Variants in RAB10 observed in about 807,000 individuals in gnomAD.
RAB10 encodes the protein ras-related protein Rab-10.
In RAB10, 5 loss-of-function variants were observed where a neutral mutation model predicts 25.7. That is an observed-to-expected ratio of 0.19 (90% CI 0.10 to 0.41). The LOEUF is 0.41. RAB10 is among the 10% of genes least tolerant of loss of function. The pLI, the probability that RAB10 is intolerant of heterozygous loss-of-function variation, is 1.00. For synonymous variants in RAB10, 89 were observed against 86.4 expected (o/e 1.03, Z -0.16); for missense variants, 103 against 245.8 (o/e 0.42, Z 3.89).
chr2:26,042,930 A>G (rs1034003011), intron 1 of RAB10: 1 of 152,152 alleles, frequency 6.6e-6, no homozygotes, highest in African/African-American at 2.4e-5. Flanking sequence ...ACCATTTAGG[A>G]TAGTTATAAC....
intron 1 of RAB10, among the ~76,000 whole-genome samples, chr2:26,077,604 CTTTTG>C (rs1265986950): frequency 6.6e-6 from 1 of 152,084 alleles, no homozygotes; most frequent in African/African-American, 2.4e-5. Flanking sequence ...ATTAGAATGA[CTTTTG>C]TTTTAATTTG....
intron 1 of RAB10, among the ~76,000 whole-genome samples, chr2:26,053,023 C>G (rs1002855466): frequency 1.3e-5 from 2 of 152,156 alleles, no homozygotes; most frequent in Admixed American, 6.6e-5. Context: ...GTTGCAATGT[C>G]TATTCATTGA....
chr2:26,086,075 G>T (rs943262984), intron 1 of RAB10, among the ~76,000 whole-genome samples: 5 of 151,444 alleles, frequency 3.3e-5, no homozygotes, highest in Non-Finnish European at 5.9e-5. Flanking sequence ...AGCACTTTGG[G>T]AGGCTGAGGA....
intron 3 of RAB10, among the ~76,000 whole-genome samples, chr2:26,125,884 G>T (rs1194808927): frequency 6.6e-6 from 1 of 152,080 alleles, no homozygotes; most frequent in Non-Finnish European, 1.5e-5. Context: ...ATGAAGTACA[G>T]TTTAACTACT....
At chr2:26,076,741 C>G (rs552496031) in intron 1 of RAB10, among the ~76,000 whole-genome samples, 1 of 151,998 alleles carries the variant, frequency 6.6e-6, no homozygotes, top group East Asian at 1.9e-4. Context: ...GTCAGGAGTT[C>G]AAGACCAGCC....
chr2:26,077,675 C>T (rs982706413), intron 1 of RAB10, among the ~76,000 whole-genome samples: 1 of 152,112 alleles, frequency 6.6e-6, no homozygotes, highest in Non-Finnish European at 1.5e-5. Flanking sequence ...AATTGCTACC[C>T]TGCTTAAAGT....
chr2:26,114,738 A>C (rs1392429994), intron 3 of RAB10, among the ~76,000 whole-genome samples: 1 of 122,824 alleles, frequency 8.1e-6, no homozygotes, highest in East Asian at 2.1e-4. Context: ...AAAAATATAC[A>C]AAAAAAAAAA....
chr2:26,110,629 A>G (rs1482637820), intron 3 of RAB10, among the ~76,000 whole-genome samples: 1 of 152,198 alleles, frequency 6.6e-6, no homozygotes, highest in Non-Finnish European at 1.5e-5. Flanking sequence ...GCATTTTGAA[A>G]TATATGGAAT....
chr2:26,137,047 T>TATTCA lies in RAB10; in HGVS notation c.*2031_*2035dup, dbSNP rs1053784905. The stretch of plus-strand genomic sequence containing the variant: ...TTTTATTTTAACCCTCTTTAATTCT[T>TATTCA]ATTCAATTCCATGACTTAAGGTTGG... On this transcript the variant is annotated 3_prime_UTR_variant, in exon 6 of 6. Transcript: ENST00000264710. 4 of 152,664 alleles carry TATTCA rather than the reference T, an allele frequency of 2.6e-5. No homozygotes were observed. The highest frequency in any genetic ancestry group is 9.6e-5 in the African/African-American group (4 of 41,464). 9.5% of individuals were successfully genotyped at this position (152,664 alleles called of 1,614,324 possible).
chr2:26,065,292 G>A (rs963733725), intron 1 of RAB10, among the ~76,000 whole-genome samples: 1 of 151,568 alleles, frequency 6.6e-6, no homozygotes, highest in Non-Finnish European at 1.5e-5. Context: ...TTTATTAGCT[G>A]TATCTCTAAT....
intron 3 of RAB10, among the ~76,000 whole-genome samples, chr2:26,111,228 A>G (rs926317897): frequency 1.3e-5 from 2 of 152,164 alleles, no homozygotes; most frequent in Non-Finnish European, 2.9e-5. Context: ...AATGGTAGCA[A>G]TCCTAAGGGC....
chr2:26,111,985 T>A (rs1667582040), intron 3 of RAB10, among the ~76,000 whole-genome samples: 1 of 152,222 alleles, frequency 6.6e-6, no homozygotes, highest in Middle Eastern at 3.4e-3. Flanking sequence ...TTTGCTAGGG[T>A]GAGTCATAGA....
At chr2:26,085,208 G>T (rs1007114822) in intron 1 of RAB10, among the ~76,000 whole-genome samples, 1 of 152,180 alleles carries the variant, frequency 6.6e-6, no homozygotes, top group Non-Finnish European at 1.5e-5. Flanking sequence ...GAAACAACAG[G>T]CCGGGGGCAG....
intron 1 of RAB10, among the ~76,000 whole-genome samples, chr2:26,087,894 A>G (rs1005289418): frequency 3.9e-5 from 6 of 152,236 alleles, no homozygotes; most frequent in Admixed American, 6.5e-5. Context: ...TTCACATTCT[A>G]CATTTTCACA....
At chr2:26,047,723 G>GTTTTTTTTTTTT (rs34517359) in intron 1 of RAB10, among the ~76,000 whole-genome samples, 1 of 107,870 alleles carries the variant, frequency 9.3e-6, no homozygotes, top group Non-Finnish European at 1.7e-5. Flanking sequence ...TGCCTGGCCT[G>GTTTTTTTTTTTT]TTTTTTTTTT....
chr2:26,075,475 T>G (rs767718320), intron 1 of RAB10, among the ~76,000 whole-genome samples: 1 of 118,944 alleles, frequency 8.4e-6, no homozygotes, highest in Non-Finnish European at 1.8e-5. Context: ...AGGTTTAACT[T>G]GTTTAAGCAG....
chr2:26,075,011 GTTC>G (rs888773574), intron 1 of RAB10, among the ~76,000 whole-genome samples: 16 of 152,192 alleles, frequency 1.1e-4, no homozygotes, highest in Admixed American at 6.5e-5. Flanking sequence ...AAAGGTCGAA[GTTC>G]TTCTCTCACA....
intron 2 of RAB10, among the ~76,000 whole-genome samples, chr2:26,100,866 TAGAC>T (rs1336970992): frequency 6.7e-6 from 1 of 149,916 alleles, no homozygotes; most frequent in Non-Finnish European, 1.5e-5. Context: ...TTCCCAAAAG[TAGAC>T]AGCCTGACAC....
chr2:26,061,633 C>G (rs749191515), intron 1 of RAB10, among the ~76,000 whole-genome samples: 4 of 152,162 alleles, frequency 2.6e-5, no homozygotes, highest in South Asian at 2.1e-4. Context: ...TCCATTAATC[C>G]TCCTGCCTTG....
Sources: gnomAD v4.1 joint callset for allele counts (sites outside exome capture counted in the v4.1 genomes callset) on GRCh38, gnomAD v4.1.1 for gene constraint, MANE v1.5 for transcripts, NCBI Gene and HGNC (gene_info 2026-07-23, HGNC 2026-07-21) for gene names.